PHF24: variants seen among roughly 807,000 people sequenced by gnomAD.
The protein encoded by PHF24 is PHD finger protein 24, also known as Galpha inhibitory interacting protein.
PHF24 carries 25 observed loss-of-function variants against 42.6 expected under a neutral mutation model. That is an observed-to-expected ratio of 0.59 (90% CI 0.43 to 0.82). PHF24 has a LOEUF of 0.82. Ranked by LOEUF, PHF24 falls within the 40% of genes least tolerant of loss-of-function variation. The pLI, the probability that PHF24 is intolerant of heterozygous loss-of-function variation, is 0.00. For synonymous variants in PHF24, 185 were observed against 204.8 expected (o/e 0.90, Z 0.83); for missense variants, 470 against 538.1 (o/e 0.87, Z 1.25).
chr9:34,835,615 C>G, the PHF24 span: 7 of 1,551,690 alleles, frequency 4.5e-6, no homozygotes, highest in South Asian at 8.3e-5. Context: ...CAGTGGAGCC[C>G]TTGGCTTGTC....
the PHF24 span, chr9:34,723,717 G>A: frequency 6.4e-7 from 1 of 1,551,592 alleles, no homozygotes. Context: ...GCCTGAGTTG[G>A]TTGGCTCAGG....
chr9:34,838,401 C>T, the PHF24 span: 11 of 1,205,720 alleles, frequency 9.1e-6, no homozygotes, highest in Non-Finnish European at 1.3e-5. Flanking sequence ...GGCTCCTTTT[C>T]ACTTGCCAGA....
At chr9:34,706,506 G>A in the PHF24 span, among the ~76,000 whole-genome samples, 1 of 152,160 alleles carries the variant, frequency 6.6e-6, no homozygotes, top group East Asian at 1.9e-4. Context: ...TGTATTATGT[G>A]ATATTTTTTG....
chr9:34,850,541 T>G, the PHF24 span, among the ~76,000 whole-genome samples: 1 of 152,300 alleles, frequency 6.6e-6, no homozygotes, highest in African/African-American at 2.4e-5. Flanking sequence ...TTTGTCTTTG[T>G]TTTGAATTTC....
At chr9:34,806,603 T>C in the PHF24 span, among the ~76,000 whole-genome samples, 6,905 of 152,014 alleles carry the variant, frequency 0.045, 496 homozygotes, top group African/African-American at 0.16. Flanking sequence ...GGATTACAGG[T>C]GCCTGCCACC....
the PHF24 span, among the ~76,000 whole-genome samples, chr9:34,806,353 TA>T: frequency 6.6e-6 from 1 of 152,188 alleles, no homozygotes; most frequent in African/African-American, 2.4e-5. Context: ...AAATGGGGTT[TA>T]AAAAAATCTT....
chr9:34,741,350 T>TCTTTTA, the PHF24 span, among the ~76,000 whole-genome samples: 6 of 151,984 alleles, frequency 3.9e-5, no homozygotes, highest in African/African-American at 1.4e-4. Context: ...TCTTTTCTTT[T>TCTTTTA]CTTTTTCTTT....
At chr9:34,963,559 TCA>T (rs1376212082) in intron 1 of PHF24, among the ~76,000 whole-genome samples, 7 of 152,188 alleles carry the variant, frequency 4.6e-5, no homozygotes, top group Non-Finnish European at 5.9e-5. Flanking sequence ...AAGTGCATTT[TCA>T]CACTTTCTAC....
chr9:34,894,917 G>A, the PHF24 span: 12 of 397,014 alleles, frequency 3.0e-5, no homozygotes, highest in East Asian at 7.1e-5. Context: ...TTGTCCCTGG[G>A]GGGTACTAGA....
the PHF24 span, chr9:34,835,869 C>G: frequency 7.2e-6 from 8 of 1,108,448 alleles, no homozygotes; most frequent in Non-Finnish European, 1.1e-5. Flanking sequence ...ATACACTAGA[C>G]AGAGACAAGA....
chr9:34,933,308 A>C, the PHF24 span, among the ~76,000 whole-genome samples: 1 of 152,226 alleles, frequency 6.6e-6, no homozygotes, highest in Non-Finnish European at 1.5e-5. Flanking sequence ...TTTTCTTATG[A>C]TATTAATAAT....
At chr9:34,689,743 G>T in the PHF24 span, 1 of 1,563,576 alleles carries the variant, frequency 6.4e-7, no homozygotes, top group Non-Finnish European at 8.8e-7. The surrounding 1 kb of genome is among the most constrained non-coding windows in gnomAD (Gnocchi z 4.1). Flanking sequence ...CTTCCTTCTG[G>T]TCCTCGGTTC....
chr9:34,685,958 T>A, the PHF24 span, among the ~76,000 whole-genome samples: 1 of 152,198 alleles, frequency 6.6e-6, no homozygotes, highest in African/African-American at 2.4e-5. Context: ...GCTCTGCCTT[T>A]TTTCTAGTTG....
chr9:34,804,079 G>GC, the PHF24 span, among the ~76,000 whole-genome samples: 1 of 152,152 alleles, frequency 6.6e-6, no homozygotes, highest in African/African-American at 2.4e-5. Flanking sequence ...AGGGGCCAGA[G>GC]AGAGACCCAA....
the PHF24 span, among the ~76,000 whole-genome samples, chr9:34,722,837 A>G: frequency 6.6e-6 from 1 of 152,158 alleles, no homozygotes; most frequent in Non-Finnish European, 1.5e-5. Context: ...GACAGTGGAA[A>G]ATATTCTGGT....
At chr9:34,715,550 A>G in the PHF24 span, among the ~76,000 whole-genome samples, 1 of 152,152 alleles carries the variant, frequency 6.6e-6, no homozygotes, top group Non-Finnish European at 1.5e-5. Context: ...GTGGGTCTCC[A>G]CCTACAGTTC....
the PHF24 span, among the ~76,000 whole-genome samples, chr9:34,777,445 C>T: frequency 1.3e-5 from 2 of 152,094 alleles, no homozygotes; most frequent in Non-Finnish European, 2.9e-5. Context: ...GATCCCTTAG[C>T]CCCCAGATTG....
chr9:34,819,143 C>A, the PHF24 span, among the ~76,000 whole-genome samples: 1 of 151,994 alleles, frequency 6.6e-6, no homozygotes, highest in East Asian at 1.9e-4. Context: ...TATAATACTC[C>A]TCAATTCCTG....
the PHF24 span, among the ~76,000 whole-genome samples, chr9:34,950,018 A>T: frequency 6.6e-6 from 1 of 152,162 alleles, no homozygotes; most frequent in African/African-American, 2.4e-5. Context: ...AGTAAAAAAA[A>T]AGAAAGAAAG....
Sources: allele counts gnomAD v4.1 joint callset (sites outside exome capture counted in the v4.1 genomes callset), GRCh38; gene constraint gnomAD v4.1.1; non-coding constraint Gnocchi (gnomAD v3.1); transcripts MANE v1.5; gene names NCBI Gene and HGNC (gene_info 2026-07-23, HGNC 2026-07-21).